The following CNTLN variants were observed in gnomAD, a reference collection of about 807,000 sequenced individuals.
The protein encoded by CNTLN is centlein, centrosomal protein.
A neutral mutation model predicts 180.0 loss-of-function variants in CNTLN; 212 were observed. The observed-to-expected ratio is 1.18, with a 90% CI of 1.05 to 1.32. The LOEUF (loss-of-function observed/expected upper bound fraction) is 1.32, where lower values mean the gene tolerates loss of function less well. Ranked by LOEUF, CNTLN falls within the 40% of genes most tolerant of loss-of-function variation. The probability of loss-of-function intolerance (pLI) is 0.00; values close to 1 mark genes in which losing one functional copy is unlikely to be tolerated. For missense variants in CNTLN, 2,095 were observed against 1,610.9 expected, an observed-to-expected ratio of 1.30 and a Z score of -5.14; for synonymous variants, 722 against 563.1, an observed-to-expected ratio of 1.28 and a Z score of -3.99.
chr9:17,309,485 C>T (rs989544895), intron 8 of CNTLN, among the ~76,000 whole-genome samples: 3 of 151,954 alleles, frequency 2.0e-5, no homozygotes, highest in African/African-American at 4.8e-5. Flanking sequence ...ATATAGTTAT[C>T]GTGATGAAAC....
chr9:17,296,362 T>C (rs923689717), intron 6 of CNTLN, among the ~76,000 whole-genome samples: 1 of 152,130 alleles, frequency 6.6e-6, no homozygotes, highest in African/African-American at 2.4e-5. Flanking sequence ...TTGTTGTACG[T>C]TGTCCTTAAA....
intron 6 of CNTLN, among the ~76,000 whole-genome samples, chr9:17,280,566 C>A (rs770956825): frequency 1.2e-4 from 18 of 152,190 alleles, no homozygotes; most frequent in Non-Finnish European, 2.2e-4. Context: ...GGCAAAAGTA[C>A]AAGAATCTGA....
At chr9:17,298,738 T>C (rs1818132436) in intron 7 of CNTLN, 1 of 988,994 alleles carries the variant, frequency 1.0e-6, no homozygotes, top group Non-Finnish European at 1.2e-6. Context: ...TTGTACATTA[T>C]TTTTCGGCAA....
At chr9:17,353,945 T>C (rs7855169) in intron 12 of CNTLN, among the ~76,000 whole-genome samples, 145,790 of 152,232 alleles carry the variant, frequency 0.96, 70,126 homozygotes, top group East Asian at 1. Context: ...GGGAGAGGCG[T>C]GAGCGGGAAC....
chr9:17,231,135 G>A (rs1237387595), intron 3 of CNTLN, among the ~76,000 whole-genome samples: 1 of 152,064 alleles, frequency 6.6e-6, no homozygotes, highest in Non-Finnish European at 1.5e-5. Flanking sequence ...GTGTAAATGA[G>A]AAAGATGACT....
In CNTLN at chr9:17,342,372, A is replaced by C; in HGVS notation, c.1814A>C (p.Gln605Pro). Residue 605 changes from glutamine to proline, a missense_variant, in exon 12 of 26, where the codon CAA (glutamine) becomes CCA (proline). Coordinates refer to ENST00000380647, the MANE Select transcript of CNTLN (RefSeq NM_017738.4). ...AGAGCAGATCCCCAACAACTTCGAC[A>C]AGAAGATTCTGACGCTGTGTGGAAT... is the stretch of plus-strand genomic sequence containing the variant. ...IKRADPQQLR[Q>P]EDSDAVWNEL... 6.2e-7 allele frequency: 1 copy of C among 1,612,366 alleles called. No homozygotes were observed. The highest frequency in any genetic ancestry group is 8.5e-7 in the Non-Finnish European group (1 of 1,179,328).
intron 10 of CNTLN, among the ~76,000 whole-genome samples, chr9:17,335,195 A>G (rs1254215335): frequency 1.3e-5 from 2 of 152,338 alleles, no homozygotes; most frequent in South Asian, 2.1e-4. Context: ...ATTCTCATCT[A>G]GGAACCTTTG....
chr9:17,214,422 C>G (rs992805596), intron 2 of CNTLN, among the ~76,000 whole-genome samples: 1 of 152,192 alleles, frequency 6.6e-6, no homozygotes, highest in African/African-American at 2.4e-5. Flanking sequence ...GCCAGGAGAT[C>G]TGCTGTTATT....
intron 2 of CNTLN, among the ~76,000 whole-genome samples, chr9:17,150,544 T>G (rs1818789743): frequency 6.6e-6 from 1 of 152,224 alleles, no homozygotes; most frequent in South Asian, 2.1e-4. Context: ...GCTGTTTTGG[T>G]TACTGTAGCC....
At chr9:17,140,532 C>G (rs1818016670) in intron 1 of CNTLN, among the ~76,000 whole-genome samples, 1 of 152,064 alleles carries the variant, frequency 6.6e-6, no homozygotes, top group Non-Finnish European at 1.5e-5. Flanking sequence ...CCTTGACCTC[C>G]CGGGCTCAGC....
rs565321120 is a variant in CNTLN at position 17,398,882 on chromosome 9, G to A, written c.2615+3813G>A. Reference sequence around the variant, plus strand: ...TACAAGAAAAGCTCTCTTATCTCCCGCTAAAAGCAGTACATACATTTACCA... The same window carrying A: ...TACAAGAAAAGCTCTCTTATCTCCCACTAAAAGCAGTACATACATTTACCA... On this transcript the variant is annotated intron_variant, in intron 15 of 25. Transcript: ENST00000380647. Among the ~76,000 whole-genome samples, 13 of 152,190 alleles carry A rather than the reference G, an allele frequency of 8.5e-5. No individual in the cohort carries two copies. In the South Asian group the frequency reaches 1.9e-3, roughly 22 times the overall value.
intron 7 of CNTLN, chr9:17,299,241 CAAAAAAAAAAAA>C (rs368954391): frequency 2.6e-4 from 24 of 91,684 alleles, no homozygotes; most frequent in South Asian, 7.7e-4. Flanking sequence ...GACAACGTCT[CAAAAAAAAAAAA>C]AAAAAAAAAA....
intron 12 of CNTLN, among the ~76,000 whole-genome samples, chr9:17,352,975 G>A (rs374309231): frequency 6.6e-6 from 1 of 152,006 alleles, no homozygotes; most frequent in Non-Finnish European, 1.5e-5. Flanking sequence ...TGGACATTTG[G>A]GTTCCTTCCA....
intron 18 of CNTLN, among the ~76,000 whole-genome samples, chr9:17,433,945 T>A (rs1023675512): frequency 1.3e-5 from 2 of 152,346 alleles, no homozygotes; most frequent in Admixed American, 1.3e-4. Flanking sequence ...ATGGAGATGA[T>A]AATAAGAGTT....
intron 5 of CNTLN, among the ~76,000 whole-genome samples, chr9:17,271,980 G>A (rs960771247): frequency 2.0e-5 from 3 of 151,702 alleles, no homozygotes; most frequent in African/African-American, 7.3e-5. Context: ...TTTTGAATTG[G>A]TTCCCATATT....
At chr9:17,195,295 G>A (rs1822058262) in intron 2 of CNTLN, among the ~76,000 whole-genome samples, 1 of 152,142 alleles carries the variant, frequency 6.6e-6, no homozygotes, top group Admixed American at 6.5e-5. Context: ...AATGATTTGG[G>A]GAGGAAGCAG....
chr9:17,307,831 G>C (rs1027291896), intron 7 of CNTLN, among the ~76,000 whole-genome samples: 2 of 151,978 alleles, frequency 1.3e-5, no homozygotes, highest in South Asian at 2.1e-4. Flanking sequence ...TTCCCATGAG[G>C]CAAGGCAAAC....
chr9:17,182,955 C>T (rs536987293), intron 2 of CNTLN, among the ~76,000 whole-genome samples: 51 of 152,242 alleles, frequency 3.3e-4, no homozygotes, highest in African/African-American at 1.1e-3. Context: ...CAGTTACTCA[C>T]GAAAACAAGT....
intron 12 of CNTLN, among the ~76,000 whole-genome samples, chr9:17,355,387 A>C (rs768661322): frequency 2.0e-5 from 3 of 152,166 alleles, no homozygotes; most frequent in Non-Finnish European, 4.4e-5. Context: ...TCCGTAGGCT[A>C]TATTTCCCCT....
Sources: allele counts gnomAD v4.1 joint callset (sites outside exome capture counted in the v4.1 genomes callset), GRCh38; gene constraint gnomAD v4.1.1; transcripts MANE v1.5; gene names NCBI Gene and HGNC (gene_info 2026-07-23, HGNC 2026-07-21).